Variants in RIMS2 observed in about 807,000 individuals in gnomAD.
The protein encoded by RIMS2 is regulating synaptic membrane exocytosis 2.
Under a neutral mutation model 174.4 loss-of-function variants are expected in RIMS2, and 59 were observed. The ratio of observed to expected loss-of-function variants is 0.34; its 90% CI spans 0.27 to 0.42. RIMS2 has a LOEUF of 0.42. RIMS2 is among the 10% of genes least tolerant of loss of function. The probability of loss-of-function intolerance (pLI) is 1.00; values close to 1 mark genes in which losing one functional copy is unlikely to be tolerated. For missense variants in RIMS2, 1,620 were observed against 1,666.3 expected, an observed-to-expected ratio of 0.97 and a Z score of 0.48; for synonymous variants, 606 against 572.5, an observed-to-expected ratio of 1.06 and a Z score of -0.84.
chr8:104,201,695 G>T (rs1042567209), intron 19 of RIMS2, among the ~76,000 whole-genome samples: 6 of 152,140 alleles, frequency 3.9e-5, no homozygotes, highest in Non-Finnish European at 7.4e-5. Flanking sequence ...TTTGCTTCCT[G>T]ATAAGTGGAG....
chr8:104,106,290 ATAGT>A (rs67553027), intron 19 of RIMS2, among the ~76,000 whole-genome samples: 35,484 of 151,654 alleles, frequency 0.23, 4,400 homozygotes, highest in African/African-American at 0.33. Context: ...ACTTTGTAAT[ATAGT>A]TAGTTAGTAA....
intron 1 of RIMS2, among the ~76,000 whole-genome samples, chr8:103,523,902 C>T (rs945511026): frequency 6.6e-6 from 1 of 151,804 alleles, no homozygotes; most frequent in African/African-American, 2.4e-5. Flanking sequence ...TTAAGTACAA[C>T]CTATAGGTAT....
At chr8:103,532,336 A>T (rs960939054) in intron 1 of RIMS2, among the ~76,000 whole-genome samples, 3 of 152,214 alleles carry the variant, frequency 2.0e-5, no homozygotes, top group African/African-American at 4.8e-5. Flanking sequence ...GCCAGGAGTC[A>T]GCAAATACTG....
intron 14 of RIMS2, among the ~76,000 whole-genome samples, chr8:103,958,773 G>T (rs945556426): frequency 5.9e-5 from 9 of 152,128 alleles, no homozygotes; most frequent in African/African-American, 1.9e-4. Context: ...TTTACAAAGT[G>T]GTGGGAGAAA....
chr8:103,763,501 G>A (rs555928630), intron 2 of RIMS2, among the ~76,000 whole-genome samples: 9 of 151,610 alleles, frequency 5.9e-5, no homozygotes, highest in Admixed American at 4.6e-4. Flanking sequence ...AAGGGAGAAA[G>A]CGAGGAATAT....
chr8:103,757,479 T>C (rs1301484982), intron 2 of RIMS2, among the ~76,000 whole-genome samples: 1 of 152,164 alleles, frequency 6.6e-6, no homozygotes, highest in Non-Finnish European at 1.5e-5. Context: ...CTGTATAAAA[T>C]TAAGGATTTG....
intron 3 of RIMS2, among the ~76,000 whole-genome samples, chr8:103,822,534 GACTA>G (rs1290825135): frequency 6.6e-6 from 1 of 151,688 alleles, no homozygotes; most frequent in Non-Finnish European, 1.5e-5. Flanking sequence ...AAATATTTTA[GACTA>G]ACTTTTTGTT....
At chr8:103,825,091 CCA>C (rs558497440) in intron 3 of RIMS2, among the ~76,000 whole-genome samples, 1 of 151,962 alleles carries the variant, frequency 6.6e-6, no homozygotes, top group Non-Finnish European at 1.5e-5. Context: ...CTCTGAATTC[CCA>C]CAGTTATATT....
At chr8:103,734,454 A>C (rs978147005) in intron 2 of RIMS2, among the ~76,000 whole-genome samples, 49 of 137,838 alleles carry the variant, frequency 3.6e-4, no homozygotes, top group African/African-American at 1.2e-3. Flanking sequence ...TCTAGGTTGG[A>C]TGGTTCTTTT....
Position 103,988,080 on chromosome 8 carries a change from A to G in RIMS2, c.2928-1225A>G, listed in dbSNP as rs529370586. Among the ~76,000 whole-genome samples the G allele has an allele frequency of 3.9e-5, 6 of 152,348 alleles. No individual in the cohort carries two copies. In the South Asian group the frequency reaches 1.2e-3, roughly 32 times the overall value. ...GTTCTAGGCATTATGTGGAAGGATA[A>G]AGACATACCAATAAATCCATTTTGA... On this transcript the variant is annotated intron_variant, in intron 16 of 23. Transcript: ENST00000504942.
At position 103,791,891 on chromosome 8, in the gene RIMS2, C is replaced by A. The variant is rs531997719; in HGVS notation, c.698+25354C>A. Among the ~76,000 whole-genome samples the A allele has an allele frequency of 2.0e-5, 3 of 152,270 alleles. No homozygotes were observed. The South Asian group carries it at 6.2e-4, about 32-fold the overall frequency. ...GCTAACTATCCTAAATATATATATACTCAATACAGGATCGCCCAGATTCAT... is the reference window on the plus strand; with the variant it reads ...GCTAACTATCCTAAATATATATATAATCAATACAGGATCGCCCAGATTCAT... On this transcript the variant is annotated intron_variant, in intron 3 of 23. Coordinates refer to ENST00000504942, the Ensembl canonical transcript of RIMS2.
chr8:104,106,831 C>A (rs1325092191), intron 19 of RIMS2, among the ~76,000 whole-genome samples: 1 of 151,988 alleles, frequency 6.6e-6, no homozygotes, highest in Non-Finnish European at 1.5e-5. Flanking sequence ...TCATGATAAG[C>A]AAATTTAACA....
At chr8:104,168,966 T>C (rs558363491) in intron 19 of RIMS2, among the ~76,000 whole-genome samples, 7 of 152,068 alleles carry the variant, frequency 4.6e-5, no homozygotes, top group African/African-American at 1.7e-4. Flanking sequence ...CTTGTGTATG[T>C]TAAACCATCC....
chr8:103,556,559 A>C (rs971835148), intron 1 of RIMS2, among the ~76,000 whole-genome samples: 3 of 152,190 alleles, frequency 2.0e-5, no homozygotes, highest in Admixed American at 6.5e-5. Flanking sequence ...CCAGGACTTC[A>C]TCTAAGTCTT....
chr8:103,741,062 A>G (rs571164461), intron 2 of RIMS2, among the ~76,000 whole-genome samples: 1 of 152,210 alleles, frequency 6.6e-6, no homozygotes, highest in African/African-American at 2.4e-5. Context: ...AAAAATTTCT[A>G]TTGGATTGAG....
At chr8:103,929,981 G>A (rs1475075640) in intron 11 of RIMS2, among the ~76,000 whole-genome samples, 1 of 151,890 alleles carries the variant, frequency 6.6e-6, no homozygotes, top group African/African-American at 2.4e-5. Flanking sequence ...TTCAGTAGGT[G>A]AGAAGTGGGC....
intron 14 of RIMS2, among the ~76,000 whole-genome samples, chr8:103,957,440 A>C (rs534434055): frequency 1.3e-5 from 2 of 152,368 alleles, no homozygotes; most frequent in South Asian, 4.1e-4. Context: ...AAAAAGGATG[A>C]GTTCATGTCC....
At chr8:103,790,605 A>T (rs1330176408) in intron 3 of RIMS2, among the ~76,000 whole-genome samples, 1 of 151,982 alleles carries the variant, frequency 6.6e-6, no homozygotes. Context: ...TCTTGTCTGT[A>T]TTTTTATTAT....
chr8:103,865,680 A>G (rs1384103988), intron 3 of RIMS2, among the ~76,000 whole-genome samples: 1 of 152,198 alleles, frequency 6.6e-6, no homozygotes, highest in Non-Finnish European at 1.5e-5. Flanking sequence ...ATATAAATTC[A>G]TAAATATGAT....
Sources: allele counts gnomAD v4.1 joint callset (sites outside exome capture counted in the v4.1 genomes callset), GRCh38; gene constraint gnomAD v4.1.1; transcripts MANE v1.5; gene names NCBI Gene and HGNC (gene_info 2026-07-23, HGNC 2026-07-21).